The following PTPRS variants were observed in gnomAD, a reference collection of about 807,000 sequenced individuals.
PTPRS encodes receptor-type tyrosine-protein phosphatase S.
In PTPRS, 63 loss-of-function variants were observed where a neutral mutation model predicts 215.3. The observed-to-expected ratio is 0.29, with a 90% CI of 0.24 to 0.36. The LOEUF is 0.36. Among genes scored for constraint, PTPRS ranks in the 10% least tolerant of loss-of-function variants. The pLI, the probability that PTPRS is intolerant of heterozygous loss-of-function variation, is 1.00. For synonymous variants in PTPRS, 1,404 were observed against 1,191.4 expected, an observed-to-expected ratio of 1.18 and a Z score of -3.68; for missense variants, 2,258 against 2,825.8, an observed-to-expected ratio of 0.80 and a Z score of 4.56.
chr19:5,312,458 G>A (rs533247214), intron 1 of PTPRS, among the ~76,000 whole-genome samples: 3 of 152,134 alleles, frequency 2.0e-5, no homozygotes, highest in South Asian at 4.2e-4. Context: ...CCAGGAGTTC[G>A]AGACCAGCCT....
At chr19:5,264,880 A>G in intron 5 of PTPRS, 128 bp downstream of exon 5, 1 of 1,120,052 alleles carries the variant, frequency 8.9e-7, no homozygotes, top group Non-Finnish European at 1.3e-6. Flanking sequence ...CCCAGAGCCA[A>G]CGCCTGCCAC....
chr19:5,250,066 C>T (rs1176442200), intron 9 of PTPRS, among the ~76,000 whole-genome samples: 1 of 152,204 alleles, frequency 6.6e-6, no homozygotes, highest in Non-Finnish European at 1.5e-5. Flanking sequence ...CATTTATCAA[C>T]AGCAGTAATT....
intron 25 of PTPRS, among the ~76,000 whole-genome samples, chr19:5,217,077 G>C (rs2145212757): frequency 6.6e-6 from 1 of 152,350 alleles, no homozygotes; most frequent in Non-Finnish European, 1.5e-5. Flanking sequence ...CTCTGTTGAG[G>C]TCAGCAGAGG....
intron 6 of PTPRS, 73 bp downstream of exon 6, chr19:5,262,888 TGAG>T (rs904958346): frequency 1.4e-6 from 2 of 1,437,192 alleles, no homozygotes; most frequent in Admixed American, 1.9e-5. Context: ...GTTAGTTTGG[TGAG>T]GAGAAGGGGA....
intron 14 of PTPRS, 53 bp downstream of exon 14, chr19:5,231,257 C>A: frequency 6.6e-7 from 1 of 1,524,284 alleles, no homozygotes; most frequent in Non-Finnish European, 8.8e-7. Context: ...GGCTTCGAGG[C>A]GGGGGCCGGG....
intron 1 of PTPRS, among the ~76,000 whole-genome samples, chr19:5,303,954 A>AAAAAAAAAAAAATAATAATAATAAT: frequency 7.6e-6 from 1 of 132,252 alleles, no homozygotes; most frequent in Admixed American, 8.1e-5. Flanking sequence ...CTGTCTCAAA[A>AAAAAAAAAAAAATAATAATAATAAT]AATAATAATA....
At position 5,305,218 on chromosome 19, in the gene PTPRS, A is replaced by C. The variant is rs560870045; in HGVS notation, c.-94-18984T>G. 5.3e-5 allele frequency among the ~76,000 whole-genome samples: 8 copies of C among 152,254 alleles called. No homozygotes were observed. The South Asian group carries it at 1.7e-3, about 32-fold the overall frequency. On this transcript the variant is annotated intron_variant, in intron 1 of 37. Coordinates refer to ENST00000262963, the MANE Select transcript of PTPRS (RefSeq NM_002850.4). The stretch of plus-strand genomic sequence containing the variant: ...TCAGCTATTATTCCAGGCTTTTCCC[A>C]CCATCCAGGCACACTTACTAAATTC...
chr19:5,212,301 G>T, intron 31 of PTPRS, 36 bp downstream of exon 31: 1 of 1,609,996 alleles, frequency 6.2e-7, no homozygotes, highest in Non-Finnish European at 8.5e-7. Flanking sequence ...GCGGGGACCG[G>T]GGGGAAGCGG....
At chr19:5,333,968 C>T (rs1454498737) in intron 1 of PTPRS, among the ~76,000 whole-genome samples, 1 of 149,442 alleles carries the variant, frequency 6.7e-6, no homozygotes, top group Admixed American at 6.6e-5. Flanking sequence ...AAATCCCCCC[C>T]AAACTCCCCC....
At position 5,263,705 on chromosome 19, in the gene PTPRS, G is replaced by A. The variant is rs535144345; in HGVS notation, c.569-733C>T. ...GTATGGAGACACATCCCCACCACGT[G>A]TGTCCCCACGCACGAGCACTAGGGA... is the stretch of plus-strand genomic sequence containing the variant. On this transcript the variant is annotated intron_variant, in intron 5 of 37. Transcript: ENST00000262963. Among the ~76,000 whole-genome samples, 16 of 152,352 alleles carry A rather than the reference G, an allele frequency of 1.1e-4. No individual in the cohort carries two copies. In the South Asian group the frequency reaches 2.7e-3, roughly 26 times the overall value.
rs201556296 is a variant in PTPRS, at chr19:5,286,158, G to T, written c.-18C>A. 25 of 1,612,190 alleles carry T rather than the reference G, an allele frequency of 1.6e-5. No homozygotes were observed. The stretch of plus-strand genomic sequence containing the variant: ...GGCGCCATGCTTGGCAGCGACCTCC[G>T]ATCTCCGCCCTGGAGGGGGATGGCC... On this transcript the variant is annotated 5_prime_UTR_variant, in exon 2 of 38. Transcript: ENST00000262963.
chr19:5,280,594 G>A (rs2379612), intron 2 of PTPRS, among the ~76,000 whole-genome samples: 1 of 152,136 alleles, frequency 6.6e-6, no homozygotes, highest in Non-Finnish European at 1.5e-5. Context: ...GGTGGCGGGT[G>A]CCTGTAATCC....
At position 5,225,878 on chromosome 19, in the gene PTPRS, G is replaced by C. The variant is rs185875561; in HGVS notation, c.2377-34C>G. 3.6e-5 allele frequency: 57 copies of C among 1,577,258 alleles called. No homozygotes were observed. In the Admixed American group the frequency reaches 9.5e-4, roughly 26 times the overall value. ...ACGGCTGGGGGTCAGCACGACGGCT[G>C]GGGCTGGGAGCAGCCCCACCCACCC... On this transcript the variant is annotated intron_variant, in intron 16 of 37. Transcript: ENST00000262963.
intron 11 of PTPRS, among the ~76,000 whole-genome samples, chr19:5,240,796 G>A (rs2043969671): frequency 6.7e-6 from 1 of 150,266 alleles, no homozygotes; most frequent in Non-Finnish European, 1.5e-5. Flanking sequence ...CGGAGATCGC[G>A]CCACTGCACT....
intron 1 of PTPRS, among the ~76,000 whole-genome samples, chr19:5,306,404 C>G (rs139335151): frequency 0.015 from 2,291 of 152,220 alleles, 59 homozygotes; most frequent in African/African-American, 0.053. Flanking sequence ...CTCGGCCTCC[C>G]AAAGTGCTGG....
rs2040307395 is a variant in PTPRS at position 5,205,649 on chromosome 19, T to G, written c.*1125A>C. Among the ~76,000 whole-genome samples, 1 of 152,164 alleles carries G rather than the reference T, an allele frequency of 6.6e-6. No homozygotes were observed. The highest frequency in any genetic ancestry group is 2.4e-5 in the African/African-American group (1 of 41,436). On this transcript the variant is annotated 3_prime_UTR_variant, in exon 38 of 38. Coordinates refer to ENST00000262963, the MANE Select transcript of PTPRS (RefSeq NM_002850.4). ...GTACAAAGAGGAACAACTCGCTTGC[T>G]CAGGGTAGGCGGGTAGAGGGGGGCC...
chr19:5,251,333 C>T lies in PTPRS; in HGVS notation c.718+4775G>A, dbSNP rs563803637. On this transcript the variant is annotated intron_variant, in intron 9 of 37. Transcript: ENST00000262963. ...CGCCACTGAGGTAGCGTGCAAGGCC[C>T]GGAGGGACCTGGCTGGCTCCCTGGC... Among the ~76,000 whole-genome samples the T allele has an allele frequency of 1.4e-4, 22 of 152,120 alleles. No individual in the cohort carries two copies. In the East Asian group the frequency reaches 2.7e-3, roughly 19 times the overall value.
chr19:5,225,248 A>C (rs1174438118), intron 17 of PTPRS, among the ~76,000 whole-genome samples: 1 of 151,982 alleles, frequency 6.6e-6, no homozygotes, highest in Non-Finnish European at 1.5e-5. Flanking sequence ...CCCTGAAATA[A>C]CAACCTAGCC....
At chr19:5,311,664 C>T (rs1421530252) in intron 1 of PTPRS, among the ~76,000 whole-genome samples, 2 of 152,250 alleles carry the variant, frequency 1.3e-5, no homozygotes, top group African/African-American at 2.4e-5. Flanking sequence ...AGGGGAGACC[C>T]GAGCTCCCTG....
Sources: gnomAD v4.1 joint callset for allele counts (sites outside exome capture counted in the v4.1 genomes callset) on GRCh38, gnomAD v4.1.1 for gene constraint, MANE v1.5 for transcripts, NCBI Gene and HGNC (gene_info 2026-07-23, HGNC 2026-07-21) for gene names.